The following DLG2 variants were observed in gnomAD, a reference collection of about 807,000 sequenced individuals.
DLG2 encodes discs large MAGUK scaffold protein 2.
Under a neutral mutation model 132.5 loss-of-function variants are expected in DLG2, and 45 were observed. The observed-to-expected ratio is 0.34, with a 90% CI of 0.27 to 0.44. DLG2 has a LOEUF of 0.44. Among genes scored for constraint, DLG2 ranks in the 20% least tolerant of loss-of-function variants. DLG2 has a pLI of 1.00. For missense variants in DLG2, 1,045 were observed against 1,196.9 expected (o/e 0.87, Z 1.87); for synonymous variants, 424 against 419.6 (o/e 1.01, Z -0.13).
At chr11:85,209,619 C>G (rs1348695888) in intron 4 of DLG2, among the ~76,000 whole-genome samples, 1 of 52,188 alleles carries the variant, frequency 1.9e-5, no homozygotes, top group Non-Finnish European at 4.2e-5. Flanking sequence ...TTTGTATGTT[C>G]AGTAGAAACA....
At chr11:84,710,010 A>T (rs1349430286) in intron 6 of DLG2, among the ~76,000 whole-genome samples, 1 of 152,088 alleles carries the variant, frequency 6.6e-6, no homozygotes, top group East Asian at 1.9e-4. Context: ...GTATGAGACT[A>T]CTTTTAAACT....
At chr11:85,547,297 A>G (rs2076398152) in intron 3 of DLG2, among the ~76,000 whole-genome samples, 1 of 151,992 alleles carries the variant, frequency 6.6e-6, no homozygotes, top group South Asian at 2.1e-4. Context: ...AAAATTCTTT[A>G]TGAGTGTTGA....
chr11:84,328,723 C>T (rs1030825857), intron 7 of DLG2, among the ~76,000 whole-genome samples: 7 of 152,096 alleles, frequency 4.6e-5, no homozygotes, highest in Non-Finnish European at 7.4e-5. Context: ...GGCCTAAAGG[C>T]AGGGTATGGA....
At chr11:84,653,792 T>C (rs2099684905) in intron 6 of DLG2, among the ~76,000 whole-genome samples, 1 of 152,208 alleles carries the variant, frequency 6.6e-6, no homozygotes, top group African/African-American at 2.4e-5. Context: ...TCAGGCATTC[T>C]CTTGGCTCTT....
At chr11:85,310,316 G>C (rs919728101) in intron 3 of DLG2, among the ~76,000 whole-genome samples, 1 of 152,166 alleles carries the variant, frequency 6.6e-6, no homozygotes, top group African/African-American at 2.4e-5. Context: ...GATAGAAGAA[G>C]AAAATAGTAA....
chr11:85,034,690 C>A (rs1406258304), intron 6 of DLG2, among the ~76,000 whole-genome samples: 1 of 152,130 alleles, frequency 6.6e-6, no homozygotes, highest in Non-Finnish European at 1.5e-5. Context: ...TCTGAGCATC[C>A]TCACATTCTG....
intron 19 of DLG2, among the ~76,000 whole-genome samples, chr11:83,549,342 T>C (rs1250605940): frequency 3.9e-5 from 6 of 152,172 alleles, no homozygotes; most frequent in African/African-American, 1.4e-4. Flanking sequence ...TTCTAGCTGA[T>C]TGTCACTGAG....
rs554277239 is a variant in DLG2 at position 85,543,243 on chromosome 11, T to C, written c.40+55414A>G. 9.8e-4 allele frequency among the ~76,000 whole-genome samples: 150 copies of C among 152,326 alleles called. 1 individual carries two copies. The highest frequency in any genetic ancestry group is 3.5e-3 in the African/African-American group (147 of 41,566). On this transcript the variant is annotated intron_variant, in intron 3 of 27. Transcript: ENST00000376104. ...TGAGTGAGAACATGCAATGTTTGGT[T>C]TTCTGTTCCTGTGTTAGTTTGCTAA...
chr11:84,710,547 T>C (rs1360730081), intron 6 of DLG2, among the ~76,000 whole-genome samples: 1 of 151,938 alleles, frequency 6.6e-6, no homozygotes, highest in African/African-American at 2.4e-5. Flanking sequence ...TCATTATTAT[T>C]TGATAATATG....
chr11:85,593,775 G>T (rs1031616379), intron 3 of DLG2, among the ~76,000 whole-genome samples: 3 of 151,874 alleles, frequency 2.0e-5, no homozygotes, highest in Non-Finnish European at 4.4e-5. Context: ...TACTACATTC[G>T]AATTACTATT....
chr11:85,614,532 C>T lies in DLG2; in HGVS notation c.-93+12055G>A, dbSNP rs568589245. On this transcript the variant is annotated intron_variant, in intron 2 of 27. Coordinates refer to ENST00000376104, the MANE Select transcript of DLG2 (RefSeq NM_001142699.3). ...GCCCATGCCTGTAATCCCAGCTACT[C>T]AGGAGGCTGAGGCAGAAGAACAGCT... Among the ~76,000 whole-genome samples the T allele has an allele frequency of 3.3e-5, 5 of 152,194 alleles. No individual in the cohort carries two copies. In the South Asian group the frequency reaches 1.0e-3, roughly 32 times the overall value.
chr11:84,899,019 A>G (rs184773623), intron 6 of DLG2, among the ~76,000 whole-genome samples: 22 of 152,230 alleles, frequency 1.4e-4, no homozygotes, highest in African/African-American at 4.8e-4. Flanking sequence ...CAGAAGCTAC[A>G]TGGTGGGAAA....
At chr11:84,386,033 GT>G (rs2098768589) in intron 7 of DLG2, among the ~76,000 whole-genome samples, 1 of 152,004 alleles carries the variant, frequency 6.6e-6, no homozygotes, top group African/African-American at 2.4e-5. Context: ...AGAATAGCAC[GT>G]TTCTTTAACC....
intron 6 of DLG2, among the ~76,000 whole-genome samples, chr11:85,033,999 C>G (rs189293066): frequency 9.2e-5 from 14 of 151,812 alleles, no homozygotes; most frequent in Admixed American, 7.9e-4. Context: ...ATGTGAAGGA[C>G]TTTGGGGGTT....
chr11:85,426,887 T>G (rs158089), intron 3 of DLG2, among the ~76,000 whole-genome samples: 100,105 of 151,888 alleles, frequency 0.66, 33,444 homozygotes, highest in Middle Eastern at 0.74. Flanking sequence ...GAAAAAAAAT[T>G]AGACGAATGG....
intron 14 of DLG2, among the ~76,000 whole-genome samples, chr11:83,962,429 C>T (rs1278957966): frequency 6.6e-6 from 1 of 151,886 alleles, no homozygotes; most frequent in African/African-American, 2.4e-5. Flanking sequence ...TCTTTGTATT[C>T]CTTTGCCAAA....
chr11:85,340,605 T>A (rs2082421691), intron 3 of DLG2, among the ~76,000 whole-genome samples: 3 of 152,182 alleles, frequency 2.0e-5, no homozygotes, highest in Non-Finnish European at 1.5e-5. Context: ...AACCTGCACA[T>A]TGTGCACATG....
intron 6 of DLG2, among the ~76,000 whole-genome samples, chr11:85,079,195 A>G (rs1186445060): frequency 6.6e-6 from 1 of 152,088 alleles, no homozygotes; most frequent in East Asian, 1.9e-4. Flanking sequence ...AAGATCTGGC[A>G]TCAGTAGAAG....
chr11:83,492,670 G>T (rs1897372), intron 21 of DLG2, among the ~76,000 whole-genome samples: 1 of 151,802 alleles, frequency 6.6e-6, no homozygotes, highest in Non-Finnish European at 1.5e-5. Flanking sequence ...TTCCAATTAC[G>T]CAGGCTGCAA....
Sources: gnomAD v4.1 joint callset for allele counts (sites outside exome capture counted in the v4.1 genomes callset) on GRCh38, gnomAD v4.1.1 for gene constraint, MANE v1.5 for transcripts, NCBI Gene and HGNC (gene_info 2026-07-23, HGNC 2026-07-21) for gene names.